DLGAP2: variants seen among roughly 807,000 people sequenced by gnomAD.
DLGAP2 encodes disks large-associated protein 2.
A neutral mutation model predicts 100.3 loss-of-function variants in DLGAP2; 26 were observed. The observed-to-expected ratio is 0.26, with a 90% CI of 0.19 to 0.36. The LOEUF (loss-of-function observed/expected upper bound fraction) is 0.36. Among genes scored for constraint, DLGAP2 ranks in the 10% least tolerant of loss-of-function variants. The pLI is 1.00. For synonymous variants in DLGAP2, 886 were observed against 630.1 expected (o/e 1.41, Z -6.08); for missense variants, 1,858 against 1,453.2 (o/e 1.28, Z -4.53).
At chr8:1,519,586 G>A (rs1047918412) in intron 4 of DLGAP2, among the ~76,000 whole-genome samples, 3 of 152,198 alleles carry the variant, frequency 2.0e-5, no homozygotes, top group Admixed American at 2.0e-4. Context: ...CGGTTCTGAC[G>A]ACCCTGAGCC....
intron 1 of DLGAP2, among the ~76,000 whole-genome samples, chr8:861,218 T>C (rs1012409208): frequency 2.6e-5 from 4 of 152,180 alleles, no homozygotes; most frequent in Non-Finnish European, 5.9e-5. Context: ...TAACAACTAT[T>C]GACATAGCAT....
chr8:798,953 A>G (rs988366793), intron 1 of DLGAP2, among the ~76,000 whole-genome samples: 2 of 152,224 alleles, frequency 1.3e-5, no homozygotes, highest in Non-Finnish European at 2.9e-5. Context: ...CCCACTTGAT[A>G]TTTTCCTTAG....
chr8:1,590,859 C>G (rs972545219), intron 6 of DLGAP2, among the ~76,000 whole-genome samples: 1 of 152,162 alleles, frequency 6.6e-6, no homozygotes, highest in Non-Finnish European at 1.5e-5. Flanking sequence ...CTGGCAGAGG[C>G]CTTCACTGTC....
chr8:1,212,341 C>A (rs1460303380), intron 2 of DLGAP2, among the ~76,000 whole-genome samples: 1 of 152,210 alleles, frequency 6.6e-6, no homozygotes, highest in Admixed American at 6.5e-5. Context: ...TCCAGAGGTC[C>A]TCCTTCCTCT....
In DLGAP2 at chr8:834,294, G is replaced by A. The variant is rs146880633; in HGVS notation, c.19-73618G>A. Among the ~76,000 whole-genome samples the A allele has an allele frequency of 3.9e-5, 6 of 152,302 alleles. No homozygotes were observed. The East Asian group carries it at 7.7e-4, about 20-fold the overall frequency. ...GGCAGAGCCAGTCCTGTATGCCAGC[G>A]TGTGGCTGTTTTAATTTGTGGGCTT... On this transcript the variant is annotated intron_variant, in intron 1 of 14. Transcript: ENST00000637795.
chr8:1,693,564 GT>G (rs1799307396), intron 13 of DLGAP2, among the ~76,000 whole-genome samples: 1 of 152,172 alleles, frequency 6.6e-6, no homozygotes, highest in Non-Finnish European at 1.5e-5. Flanking sequence ...GGTGCCAGGT[GT>G]TTTGATGATG....
intron 2 of DLGAP2, among the ~76,000 whole-genome samples, chr8:1,226,403 A>T (rs1798416550): frequency 1.3e-5 from 2 of 152,200 alleles, no homozygotes; most frequent in South Asian, 4.1e-4. Flanking sequence ...TCTCACTTAT[A>T]AGTGGGAGCT....
At chr8:1,370,088 A>G (rs1184857703) in intron 3 of DLGAP2, among the ~76,000 whole-genome samples, 2 of 152,114 alleles carry the variant, frequency 1.3e-5, no homozygotes, top group South Asian at 2.1e-4. Flanking sequence ...CACTGTCCCT[A>G]GGCAGCTTTT....
chr8:997,415 T>C lies in DLGAP2; in HGVS notation c.73+89449T>C, dbSNP rs187881515. Among the ~76,000 whole-genome samples the C allele has an allele frequency of 2.7e-3, 415 of 152,310 alleles. 1 individual carries two copies. Among genetic ancestry groups the C allele is most frequent in the Non-Finnish European group, 5.2e-3 (351 of 68,024 alleles). On this transcript the variant is annotated intron_variant, in intron 2 of 14. Transcript: ENST00000637795. ...TTTAAATGAAAAGATACACATGTTA[T>C]AAGACATTGAACCAATATAGAAAAC... is the stretch of plus-strand genomic sequence containing the variant.
chr8:1,247,088 C>T (rs374938805), intron 2 of DLGAP2: 37 of 65,182 alleles, frequency 5.7e-4, no homozygotes, highest in East Asian at 5.4e-3. Context: ...TGGTCCACGT[C>T]GGTGGCCGGC....
In DLGAP2 at chr8:958,957, C is replaced by A. The variant is rs141995667; in HGVS notation, c.73+50991C>A. 3.9e-5 allele frequency among the ~76,000 whole-genome samples: 6 copies of A among 152,248 alleles called. No individual in the cohort carries two copies. The East Asian group carries it at 9.7e-4, about 25-fold the overall frequency. ...AAATTTAGATGTTTTGGTGTGTGGG[C>A]TTTTGAAGCATTGATGCTGAAGATT... On this transcript the variant is annotated intron_variant, in intron 2 of 14. Coordinates refer to ENST00000637795, the MANE Select transcript of DLGAP2 (RefSeq NM_001346810.2).
intron 2 of DLGAP2, among the ~76,000 whole-genome samples, chr8:1,133,417 G>GAAATATATATGAATA (rs1796338854): frequency 6.6e-6 from 1 of 152,070 alleles, no homozygotes; most frequent in Non-Finnish European, 1.5e-5. Flanking sequence ...GGAGTCATGA[G>GAAATATATATGAATA]AAATATATAT....
intron 2 of DLGAP2, among the ~76,000 whole-genome samples, chr8:1,237,024 C>T (rs1420564016): frequency 6.8e-6 from 1 of 146,802 alleles, no homozygotes; most frequent in Non-Finnish European, 1.5e-5. Flanking sequence ...CTGTCTCACA[C>T]AGAGCATCGT....
At chr8:1,425,754 T>C (rs1797221268) in intron 3 of DLGAP2, among the ~76,000 whole-genome samples, 2 of 151,738 alleles carry the variant, frequency 1.3e-5, no homozygotes. Context: ...TGTGCACCAT[T>C]AAAAAAATAA....
At chr8:1,164,624 T>C (rs1264799075) in intron 2 of DLGAP2, among the ~76,000 whole-genome samples, 1 of 152,176 alleles carries the variant, frequency 6.6e-6, no homozygotes, top group Admixed American at 6.5e-5. Flanking sequence ...GGAAGAGCCA[T>C]GCTCAGAACC....
At chr8:1,194,821 C>A (rs114729081) in intron 2 of DLGAP2, among the ~76,000 whole-genome samples, 29 of 152,344 alleles carry the variant, frequency 1.9e-4, no homozygotes, top group African/African-American at 6.0e-4. Flanking sequence ...TTGAGGCCAC[C>A]ACTGTGACGT....
chr8:812,151 G>A (rs1375878979), intron 1 of DLGAP2, among the ~76,000 whole-genome samples: 2 of 152,208 alleles, frequency 1.3e-5, no homozygotes, highest in Non-Finnish European at 2.9e-5. Flanking sequence ...TTGCACAATT[G>A]CAGGGGCTGG....
intron 3 of DLGAP2, among the ~76,000 whole-genome samples, chr8:1,487,242 A>C (rs1799255991): frequency 6.6e-6 from 1 of 152,240 alleles, no homozygotes; most frequent in Non-Finnish European, 1.5e-5. Flanking sequence ...AACAAATGCC[A>C]TTCACTGTTA....
At chr8:1,563,811 C>T (rs770550361) in intron 5 of DLGAP2, among the ~76,000 whole-genome samples, 1 of 152,130 alleles carries the variant, frequency 6.6e-6, no homozygotes, top group Non-Finnish European at 1.5e-5. Flanking sequence ...TCACCACCAG[C>T]CACGCAGATC....
Sources: gnomAD v4.1 joint callset for allele counts (sites outside exome capture counted in the v4.1 genomes callset) on GRCh38, gnomAD v4.1.1 for gene constraint, MANE v1.5 for transcripts, NCBI Gene and HGNC (gene_info 2026-07-23, HGNC 2026-07-21) for gene names.